TAMM41: variants seen among roughly 807,000 people sequenced by gnomAD.
TAMM41 encodes the protein phosphatidate cytidylyltransferase, mitochondrial.
TAMM41 carries 36 observed loss-of-function variants against 44.1 expected under a neutral mutation model. The observed-to-expected ratio is 0.82, with a 90% CI of 0.63 to 1.08. The LOEUF is 1.08. Among genes scored for constraint, TAMM41 ranks in the 50% least tolerant of loss-of-function variants. The probability of loss-of-function intolerance (pLI) is 0.00; values close to 1 mark genes in which losing one functional copy is unlikely to be tolerated. For synonymous variants in TAMM41, 164 were observed against 153.1 expected (o/e 1.07, Z -0.53); for missense variants, 417 against 404.3 (o/e 1.03, Z -0.27).
In TAMM41 at chr3:11,829,935, C is replaced by A. The variant is rs539240292; in HGVS notation, c.412-71G>T. ...ATTGCTCAAGCATGGGTTACAAATGCACTGGAACTATCTCAAACTCTCTTC... is the reference window on the plus strand; with the variant it reads ...ATTGCTCAAGCATGGGTTACAAATGAACTGGAACTATCTCAAACTCTCTTC... On this transcript the variant is annotated intron_variant, in intron 3 of 7. Coordinates refer to ENST00000455809, the MANE Select transcript of TAMM41 (RefSeq NM_001284401.2). 21 of 1,446,166 alleles carry A rather than the reference C, an allele frequency of 1.5e-5. No homozygotes were observed. The East Asian group carries it at 4.3e-4, about 30-fold the overall frequency. 89.6% of individuals were successfully genotyped at this position (1,446,166 alleles called of 1,614,324 possible). A position where few individuals can be genotyped will look rare whatever the true frequency, so the allele number is the denominator to read the frequency against.
intron 4 of TAMM41, among the ~76,000 whole-genome samples, chr3:11,823,777 C>T (rs1203138542): frequency 6.7e-6 from 1 of 149,714 alleles, no homozygotes; most frequent in Non-Finnish European, 1.5e-5. Context: ...TCTCCTGCCT[C>T]AGCCTCCCTA....
chr3:11,783,379 G>C, the TAMM41 span, among the ~76,000 whole-genome samples: 1 of 151,546 alleles, frequency 6.6e-6, no homozygotes, highest in Admixed American at 6.6e-5. Context: ...AGCTGACCTG[G>C]GGGGTATGAC....
intron 7 of TAMM41, among the ~76,000 whole-genome samples, chr3:11,797,731 T>C (rs1226018744): frequency 3.3e-5 from 5 of 152,306 alleles, no homozygotes; most frequent in Admixed American, 3.3e-4. Context: ...GGAGAAAATT[T>C]TGCAAACTAG....
chr3:11,844,258 A>C, intron 1 of TAMM41, 47 bp from the exon 2 acceptor site: 2 of 1,572,688 alleles, frequency 1.3e-6, no homozygotes, highest in Non-Finnish European at 1.7e-6. Flanking sequence ...ATTCCTAGAA[A>C]GGCAGCAAGA....
downstream of TAMM41, among the ~76,000 whole-genome samples, chr3:11,787,183 C>T (rs2077422706): frequency 1.3e-5 from 2 of 152,156 alleles, no homozygotes; most frequent in Admixed American, 1.3e-4. Context: ...AGCTGTGTCA[C>T]CTTTTAGGAC....
chr3:11,733,086 C>T, the TAMM41 span, among the ~76,000 whole-genome samples: 7 of 150,756 alleles, frequency 4.6e-5, no homozygotes, highest in Admixed American at 1.3e-4. Flanking sequence ...GCAACCTCCA[C>T]CTCCTGGGTT....
chr3:11,799,334 G>C (rs2077688261), intron 7 of TAMM41, among the ~76,000 whole-genome samples: 1 of 152,188 alleles, frequency 6.6e-6, no homozygotes, highest in Non-Finnish European at 1.5e-5. Context: ...TTCCTATGAA[G>C]TTAAAACTCA....
At chr3:11,751,457 G>A in the TAMM41 span, among the ~76,000 whole-genome samples, 36,552 of 152,018 alleles carry the variant, frequency 0.24, 4,524 homozygotes, top group Non-Finnish European at 0.27. Flanking sequence ...TTGGCCCCAC[G>A]AATAGCACTG....
chr3:11,789,132 T>G (rs1270133207), downstream of TAMM41, among the ~76,000 whole-genome samples: 1 of 152,178 alleles, frequency 6.6e-6, no homozygotes, highest in Non-Finnish European at 1.5e-5. Flanking sequence ...TAATGTTATT[T>G]CCATCTCACA....
the TAMM41 span, among the ~76,000 whole-genome samples, chr3:11,770,016 T>G: frequency 1.3e-5 from 2 of 152,224 alleles, no homozygotes; most frequent in African/African-American, 2.4e-5. Flanking sequence ...GTAGAAAGTC[T>G]TGGAAAAGCC....
the TAMM41 span, among the ~76,000 whole-genome samples, chr3:11,729,947 A>G: frequency 2.0e-5 from 3 of 152,206 alleles, no homozygotes; most frequent in African/African-American, 7.2e-5. Flanking sequence ...AGATGAGAAA[A>G]CAGGGGCTCA....
chr3:11,741,788 C>T, the TAMM41 span, among the ~76,000 whole-genome samples: 2 of 149,938 alleles, frequency 1.3e-5, no homozygotes, highest in African/African-American at 2.5e-5. Context: ...CAATTGCCAG[C>T]GTCGCTACTC....
chr3:11,746,455 A>G, the TAMM41 span, among the ~76,000 whole-genome samples: 2 of 152,168 alleles, frequency 1.3e-5, no homozygotes, highest in Non-Finnish European at 2.9e-5. Context: ...AGCTGAAAAT[A>G]AGTTAAATGT....
chr3:11,818,448 A>G (rs923941505), intron 4 of TAMM41, among the ~76,000 whole-genome samples: 2 of 152,204 alleles, frequency 1.3e-5, no homozygotes, highest in Non-Finnish European at 2.9e-5. Context: ...CCTAGTGCAA[A>G]CTGTTGGCTT....
the TAMM41 span, among the ~76,000 whole-genome samples, chr3:11,762,812 C>A: frequency 3.9e-5 from 6 of 152,200 alleles, no homozygotes; most frequent in Admixed American, 6.5e-5. Context: ...GTAATCCCAG[C>A]ACTTTGGGAG....
intron 7 of TAMM41, among the ~76,000 whole-genome samples, chr3:11,802,938 A>C (rs2077795404): frequency 6.6e-6 from 1 of 152,242 alleles, no homozygotes; most frequent in Non-Finnish European, 1.5e-5. Context: ...AAACAGAATT[A>C]AGGACAAAAA....
intron 2 of TAMM41, chr3:11,843,805 C>T (rs2079552271): frequency 1.9e-6 from 1 of 520,034 alleles, no homozygotes; most frequent in South Asian, 3.4e-5. Flanking sequence ...GGAAGGACTC[C>T]AGTCCCTGCT....
At chr3:11,767,664 T>A in the TAMM41 span, among the ~76,000 whole-genome samples, 1 of 88,804 alleles carries the variant, frequency 1.1e-5, no homozygotes, top group African/African-American at 4.2e-5. Context: ...CTTGCTCTTT[T>A]GCCCAGGCTG....
chr3:11,734,878 C>CAAAAAAAAAAAAAAAAA, the TAMM41 span, among the ~76,000 whole-genome samples: 5 of 73,274 alleles, frequency 6.8e-5, no homozygotes, highest in African/African-American at 2.1e-4. Context: ...TACTAAAATA[C>CAAAAAAAAAAAAAAAAA]AAAAAAAAAA....
Sources: gnomAD v4.1 joint callset for allele counts (sites outside exome capture counted in the v4.1 genomes callset) on GRCh38, gnomAD v4.1.1 for gene constraint, MANE v1.5 for transcripts, NCBI Gene and HGNC (gene_info 2026-07-23, HGNC 2026-07-21) for gene names.